Variants in NEK10 observed in about 807,000 individuals in gnomAD.
NEK10 encodes NIMA related kinase 10.
A neutral mutation model predicts 159.8 loss-of-function variants in NEK10; 122 were observed. The ratio of observed to expected loss-of-function variants is 0.76; its 90% CI spans 0.66 to 0.89. NEK10 has a LOEUF of 0.89. NEK10 is among the 40% of genes least tolerant of loss of function. The pLI, the probability that NEK10 is intolerant of heterozygous loss-of-function variation, is 0.00. For synonymous variants in NEK10, 466 were observed against 457.1 expected, an observed-to-expected ratio of 1.02 and a Z score of -0.25; for missense variants, 1,342 against 1,323.1, an observed-to-expected ratio of 1.01 and a Z score of -0.22.
chr3:27,338,630 G>C (rs1241041717), intron 5 of NEK10, among the ~76,000 whole-genome samples: 1 of 152,236 alleles, frequency 6.6e-6, no homozygotes, highest in Admixed American at 6.5e-5. Context: ...TAACTGGCGT[G>C]AGATAATATC....
intron 23 of NEK10, among the ~76,000 whole-genome samples, chr3:27,235,237 AT>A (rs1426334467): frequency 1.3e-5 from 2 of 152,176 alleles, no homozygotes; most frequent in Admixed American, 6.5e-5. Flanking sequence ...GCCAAAAGTA[AT>A]TGCAACAAAA....
intron 23 of NEK10, among the ~76,000 whole-genome samples, chr3:27,245,908 A>G (rs1955011900): frequency 6.6e-6 from 1 of 152,350 alleles, no homozygotes; most frequent in South Asian, 2.1e-4. Flanking sequence ...GGGAAATACT[A>G]TACATAACCA....
At chr3:27,327,908 A>T (rs1255477977) in intron 5 of NEK10, among the ~76,000 whole-genome samples, 1 of 150,376 alleles carries the variant, frequency 6.6e-6, no homozygotes, top group Non-Finnish European at 1.5e-5. Context: ...TAGCTGAAAA[A>T]GTAAAATTCA....
chr3:27,156,743 A>C (rs982151118), intron 30 of NEK10, among the ~76,000 whole-genome samples: 2 of 151,480 alleles, frequency 1.3e-5, no homozygotes, highest in Non-Finnish European at 2.9e-5. Flanking sequence ...AATAGTGTGG[A>C]GATTCCTTAA....
At chr3:27,323,114 C>A (rs1163377342) in intron 5 of NEK10, among the ~76,000 whole-genome samples, 1 of 152,068 alleles carries the variant, frequency 6.6e-6, no homozygotes, top group African/African-American at 2.4e-5. Context: ...AACATGCTCT[C>A]AGGAGAGGCC....
intron 32 of NEK10, among the ~76,000 whole-genome samples, chr3:27,123,500 C>T (rs1941565695): frequency 6.6e-6 from 1 of 152,132 alleles, no homozygotes; most frequent in Non-Finnish European, 1.5e-5. Flanking sequence ...ATGAGGAAAA[C>T]AAGTTCCATT....
chr3:27,318,534 A>G (rs751915711), intron 6 of NEK10, among the ~76,000 whole-genome samples: 3 of 152,278 alleles, frequency 2.0e-5, no homozygotes, highest in Non-Finnish European at 4.4e-5. Context: ...AAAACATAAG[A>G]ATACACAAGT....
At chr3:27,360,081 C>G (rs1387194256) in intron 1 of NEK10, among the ~76,000 whole-genome samples, 4 of 152,146 alleles carry the variant, frequency 2.6e-5, no homozygotes, top group Non-Finnish European at 5.9e-5. Context: ...CTTGCTAATA[C>G]CCATTACAGT....
intron 26 of NEK10, among the ~76,000 whole-genome samples, chr3:27,177,674 G>C (rs923874771): frequency 6.6e-6 from 1 of 152,030 alleles, no homozygotes; most frequent in Non-Finnish European, 1.5e-5. Context: ...GTGATTTCTG[G>C]AGTTTTTCAC....
At chr3:27,287,665 T>C in intron 20 of NEK10, 33 bp downstream of exon 20, 1 of 1,550,880 alleles carries the variant, frequency 6.4e-7, no homozygotes, top group Non-Finnish European at 8.7e-7. Flanking sequence ...AAATGTTTCC[T>C]TATTTAGAAA....
At chr3:27,230,370 C>A (rs1953112178) in intron 23 of NEK10, among the ~76,000 whole-genome samples, 1 of 151,944 alleles carries the variant, frequency 6.6e-6, no homozygotes, top group South Asian at 2.1e-4. Flanking sequence ...GCTAAAAGAA[C>A]TTCTAAATCT....
intron 5 of NEK10, among the ~76,000 whole-genome samples, chr3:27,343,560 G>C (rs1383528910): frequency 6.6e-6 from 1 of 152,146 alleles, no homozygotes; most frequent in African/African-American, 2.4e-5. Context: ...CTCCTGAAAA[G>C]AGCAAAAGAC....
At chr3:27,265,999 G>A (rs2040860808) in intron 22 of NEK10, among the ~76,000 whole-genome samples, 2 of 151,918 alleles carry the variant, frequency 1.3e-5, no homozygotes, top group Admixed American at 6.6e-5. Context: ...AGTAAAGACG[G>A]GGTTTCACAG....
chr3:27,201,653 A>C, intron 24 of NEK10, 73 bp from the exon 25 acceptor site: 1 of 1,068,258 alleles, frequency 9.4e-7, no homozygotes, highest in Non-Finnish European at 1.4e-6. Flanking sequence ...ATACTTGACC[A>C]TAACCTGAGA....
chr3:27,368,336 C>CAT (rs148886963), intron 1 of NEK10, among the ~76,000 whole-genome samples: 19,434 of 150,492 alleles, frequency 0.13, 4,138 homozygotes, highest in African/African-American at 0.45. Context: ...TATATATACA[C>CAT]ATATATATAT....
chr3:27,215,930 A>G (rs1465617806), intron 23 of NEK10: 2 of 622,476 alleles, frequency 3.2e-6, no homozygotes, highest in African/African-American at 1.8e-5. Context: ...GAACAGCACC[A>G]AGGGAGAAAT....
At chr3:27,213,661 T>C (rs1951220617) in intron 23 of NEK10, among the ~76,000 whole-genome samples, 1 of 152,178 alleles carries the variant, frequency 6.6e-6, no homozygotes, top group South Asian at 2.1e-4. Context: ...TCTCCTCTTT[T>C]TGGAATTCAG....
chr3:27,128,696 A>C (rs1206548229), intron 32 of NEK10, among the ~76,000 whole-genome samples: 2 of 151,882 alleles, frequency 1.3e-5, no homozygotes, highest in Admixed American at 1.3e-4. Context: ...TAATGCTTTC[A>C]ATTTATTATT....
At chr3:27,227,711 A>G (rs1347837796) in intron 23 of NEK10, among the ~76,000 whole-genome samples, 1 of 152,224 alleles carries the variant, frequency 6.6e-6, no homozygotes, top group Non-Finnish European at 1.5e-5. Context: ...AGTAGGTGAT[A>G]CCCATAACCA....
Sources: gnomAD v4.1 joint callset for allele counts (sites outside exome capture counted in the v4.1 genomes callset) on GRCh38, gnomAD v4.1.1 for gene constraint, MANE v1.5 for transcripts, NCBI Gene and HGNC (gene_info 2026-07-23, HGNC 2026-07-21) for gene names.